OTOG: variants seen among roughly 807,000 people sequenced by gnomAD.
OTOG encodes otogelin.
A neutral mutation model predicts 313.8 loss-of-function variants in OTOG; 296 were observed. The ratio of observed to expected loss-of-function variants is 0.94; its 90% CI spans 0.86 to 1.04. The LOEUF (loss-of-function observed/expected upper bound fraction) is 1.04. Among genes scored for constraint, OTOG ranks in the 50% least tolerant of loss-of-function variants. OTOG has a pLI of 0.00. For missense variants in OTOG, 3,948 were observed against 3,840.1 expected (o/e 1.03, Z -0.74); for synonymous variants, 1,533 against 1,554.9 (o/e 0.99, Z 0.33).
intron 39 of OTOG, among the ~76,000 whole-genome samples, chr11:17,615,787 G>A (rs1255624621): frequency 6.6e-6 from 1 of 152,092 alleles, no homozygotes; most frequent in Non-Finnish European, 1.5e-5. Flanking sequence ...AATAAGCTGG[G>A]CGTGGTGGCA....
At position 17,640,764 on chromosome 11, in the gene OTOG, A is replaced by G. The variant is rs575091164; in HGVS notation, c.7955A>G (p.Asp2652Gly). ...RCHLWEKSQL[D>G]EEFMHSVENV... is the part of the protein sequence containing the mutation. Reference sequence around the variant, plus strand: ...ACCCAGTGGGAGAAATCCCAGCTGGATGAGGAGTTCATGCACAGCGTGGAG... The same window carrying G: ...ACCCAGTGGGAGAAATCCCAGCTGGGTGAGGAGTTCATGCACAGCGTGGAG... Residue 2652 changes from aspartate to glycine, a missense_variant, in exon 50 of 56, where the codon GAT becomes GGT. Asp to Gly is a moderately conservative substitution (Grantham distance 94). Transcript: ENST00000399397. 2.6e-6 allele frequency: 4 copies of G among 1,550,132 alleles called. No homozygotes were observed. The East Asian group carries it at 9.8e-5, about 38-fold the overall frequency.
intron 19 of OTOG, 60 bp from the exon 20 acceptor site, chr11:17,574,660 A>G: frequency 2.1e-6 from 3 of 1,432,970 alleles, no homozygotes. Context: ...TGACAGCCCC[A>G]CTCCACATAA....
intron 23 of OTOG, among the ~76,000 whole-genome samples, chr11:17,581,350 C>G (rs56136656): frequency 6.6e-6 from 1 of 151,900 alleles, no homozygotes; most frequent in Non-Finnish European, 1.5e-5. Context: ...GAGACTTTGG[C>G]CTTGTAGGCA....
intron 15 of OTOG, among the ~76,000 whole-genome samples, chr11:17,564,193 G>A (rs1187832004): frequency 2.0e-5 from 3 of 152,184 alleles, no homozygotes; most frequent in Admixed American, 2.0e-4. Flanking sequence ...GCATGGTGAG[G>A]TTACACAGAG....
chr11:17,617,795 T>G (rs1285072264), intron 39 of OTOG, among the ~76,000 whole-genome samples: 5 of 152,144 alleles, frequency 3.3e-5, no homozygotes, highest in Admixed American at 3.3e-4. Context: ...TCTATTTCAT[T>G]GATTTCTGCT....
At chr11:17,566,063 G>A (rs557008016) in intron 15 of OTOG, among the ~76,000 whole-genome samples, 21 of 152,280 alleles carry the variant, frequency 1.4e-4, no homozygotes, top group Admixed American at 9.2e-4. Context: ...TCAGCTGACA[G>A]AGAAAGGAAA....
chr11:17,613,182 CTTTCTTTCTTTCTTTTCTTT>C (rs1565118759), intron 38 of OTOG, among the ~76,000 whole-genome samples: 3 of 96,304 alleles, frequency 3.1e-5, no homozygotes, highest in Admixed American at 9.4e-5. Context: ...TTCTTTCTTT[CTTTCTTTCTTTCTTTTCTTT>C]CTTTCTTTCT....
chr11:17,611,654 A>G (rs1447397762), intron 36 of OTOG, among the ~76,000 whole-genome samples: 1 of 151,986 alleles, frequency 6.6e-6, no homozygotes, highest in African/African-American at 2.4e-5. Flanking sequence ...CCAGGTGACA[A>G]TGTGTGTGTG....
chr11:17,577,379 T>TTG (rs1852554670), intron 22 of OTOG, among the ~76,000 whole-genome samples: 1 of 130,266 alleles, frequency 7.7e-6, no homozygotes, highest in African/African-American at 2.8e-5. Context: ...ACAGTGGTCG[T>TTG]GGGATGGGGG....
chr11:17,627,551 C>T (rs1854017074), intron 39 of OTOG, among the ~76,000 whole-genome samples: 1 of 152,020 alleles, frequency 6.6e-6, no homozygotes, highest in African/African-American at 2.4e-5. Context: ...AACTTGCAGT[C>T]TTTTTTTGAT....
intron 22 of OTOG, 113 bp downstream of exon 22, chr11:17,577,024 T>A: frequency 9.1e-7 from 1 of 1,093,408 alleles, no homozygotes; most frequent in Non-Finnish European, 1.3e-6. Flanking sequence ...TTGCCCTACA[T>A]TGGGCCTTCC....
At chr11:17,588,224 C>T (rs1852849699) in intron 24 of OTOG, among the ~76,000 whole-genome samples, 1 of 152,318 alleles carries the variant, frequency 6.6e-6, no homozygotes, top group South Asian at 2.1e-4. Context: ...AAAAATTCTA[C>T]CTCCTAATAC....
intron 23 of OTOG, among the ~76,000 whole-genome samples, chr11:17,583,762 C>T (rs1852729446): frequency 1.3e-5 from 2 of 152,082 alleles, no homozygotes; most frequent in African/African-American, 4.8e-5. Flanking sequence ...AGTTCTTCAA[C>T]TTTTATCTTT....
At position 17,577,187 on chromosome 11, in the gene OTOG, A is replaced by G. The variant is rs140740241; in HGVS notation, c.2605+276A>G. 6.7e-3 allele frequency among the ~76,000 whole-genome samples: 1,021 copies of G among 152,372 alleles called. 38 individuals are homozygous for G. The highest frequency in any genetic ancestry group is 0.055 in the Admixed American group (845 of 15,308). On this transcript the variant is annotated intron_variant, in intron 22 of 55. Coordinates refer to ENST00000399397, the MANE Select transcript of OTOG (RefSeq NM_001292063.2). ...TTCAGGGCAATGATCTGGGGCAACC[A>G]CGTTGGGTGTCTGGGCAGTTTCCTG...
Position 17,578,373 on chromosome 11 carries a change from C to A in OTOG, c.2606C>A (p.Ala869Asp), listed in dbSNP as rs148429203. 3 of 1,504,616 alleles carry A rather than the reference C, an allele frequency of 2.0e-6. No homozygotes were observed. Among genetic ancestry groups the A allele is most frequent in the African/African-American group, 2.8e-5 (2 of 72,122 alleles). The allele number at this position is 1,504,616 out of a possible 1,614,324, so 93.2% of individuals were successfully genotyped here. A position where few individuals can be genotyped will look rare whatever the true frequency, so the allele number is the denominator to read the frequency against. Residue 869 changes from alanine (A) to aspartate (D), a missense_variant and splice_region_variant, in exon 23 of 56, where the codon GCT becomes GAT. Ala to Asp is a moderately radical substitution (Grantham distance 126). Coordinates refer to ENST00000399397, the MANE Select transcript of OTOG (RefSeq NM_001292063.2). ...GVMSCDSRAP[A>D]AACPAGQVFV... ...CCGCTCCCATCTTCTTCTCTTCCAG[C>A]TGCTGCCTGCCCAGCAGGCCAGGTC...
At chr11:17,639,389 G>T (rs1315622911) in intron 48 of OTOG, 34 bp from the exon 49 acceptor site, 1 of 1,550,408 alleles carries the variant, frequency 6.4e-7, no homozygotes, top group Non-Finnish European at 8.7e-7. Context: ...GGACATCCCT[G>T]ATGAAGTGGG....
intron 52 of OTOG, 45 bp downstream of exon 52, chr11:17,641,996 G>A (rs1414761350): frequency 6.5e-7 from 1 of 1,540,838 alleles, no homozygotes; most frequent in Non-Finnish European, 8.8e-7. Context: ...GTCCCAGAAG[G>A]GGACACCAGG....
intron 24 of OTOG, among the ~76,000 whole-genome samples, chr11:17,590,360 A>G (rs888825509): frequency 2.0e-5 from 3 of 152,028 alleles, no homozygotes; most frequent in African/African-American, 7.2e-5. Context: ...CCTGGAGTCA[A>G]CCTCGAGTCT....
chr11:17,609,045 G>T (rs1853459582), intron 34 of OTOG, 85 bp from the exon 35 acceptor site: 1 of 1,079,168 alleles, frequency 9.3e-7, no homozygotes, highest in Admixed American at 2.1e-5. Context: ...CATAAGAAAG[G>T]ATAAGGCCTG....
Sources: gnomAD v4.1 joint callset for allele counts (sites outside exome capture counted in the v4.1 genomes callset) on GRCh38, gnomAD v4.1.1 for gene constraint, MANE v1.5 for transcripts, NCBI Gene and HGNC (gene_info 2026-07-23, HGNC 2026-07-21) for gene names.